The following HTR4 variants were observed in gnomAD, a reference collection of about 807,000 sequenced individuals.
The protein encoded by HTR4 is 5-hydroxytryptamine (serotonin) receptor 4, G protein-coupled.
Under a neutral mutation model 36.8 loss-of-function variants are expected in HTR4, and 16 were observed. The ratio of observed to expected loss-of-function variants is 0.43; its 90% CI spans 0.29 to 0.66. HTR4 has a LOEUF of 0.66. Among genes scored for constraint, HTR4 ranks in the 30% least tolerant of loss-of-function variants. The probability of loss-of-function intolerance (pLI) is 0.13; values close to 1 mark genes in which losing one functional copy is unlikely to be tolerated. For missense variants in HTR4, 438 were observed against 490.9 expected (o/e 0.89, Z 1.02); for synonymous variants, 189 against 185.1 (o/e 1.02, Z -0.17).
At chr5:148,617,511 C>G (rs1752747692) in intron 2 of HTR4, among the ~76,000 whole-genome samples, 1 of 151,532 alleles carries the variant, frequency 6.6e-6, no homozygotes, top group Admixed American at 6.6e-5. Flanking sequence ...CCCTGTCACA[C>G]AGGCTAGAAT....
intron 2 of HTR4, among the ~76,000 whole-genome samples, chr5:148,552,824 G>A (rs1478939699): frequency 6.6e-6 from 1 of 152,170 alleles, no homozygotes; most frequent in Admixed American, 6.5e-5. Context: ...GAAATGCTAT[G>A]TATTAATATT....
intron 5 of HTR4, among the ~76,000 whole-genome samples, chr5:148,513,351 A>C (rs879730209): frequency 6.6e-6 from 1 of 152,178 alleles, no homozygotes; most frequent in African/African-American, 2.4e-5. Context: ...TATGATGTAC[A>C]AGATATGGAT....
At chr5:148,537,431 A>G (rs1378878160) in intron 4 of HTR4, among the ~76,000 whole-genome samples, 1 of 152,210 alleles carries the variant, frequency 6.6e-6, no homozygotes, top group Non-Finnish European at 1.5e-5. Context: ...AAACATTCAA[A>G]AGATCAATGA....
chr5:148,453,653 G>A (rs1755027741), intron 5 of HTR4, among the ~76,000 whole-genome samples: 1 of 152,142 alleles, frequency 6.6e-6, no homozygotes, highest in African/African-American at 2.4e-5. Context: ...GGAATGAAAG[G>A]AGTTGACGTC....
chr5:148,526,941 G>T (rs560392407), intron 4 of HTR4, among the ~76,000 whole-genome samples: 1 of 152,188 alleles, frequency 6.6e-6, no homozygotes, highest in Admixed American at 6.5e-5. Flanking sequence ...TAGATAGTGG[G>T]AATAAGATCT....
intron 1 of HTR4, 63 bp from the exon 2 acceptor site, chr5:148,637,124 G>C (rs1289814832): frequency 9.0e-7 from 1 of 1,108,094 alleles, no homozygotes; most frequent in East Asian, 2.5e-5. Flanking sequence ...ACAAGTCCTT[G>C]TTTTAAAAAA....
At chr5:148,535,692 AT>A (rs1189505891) in intron 4 of HTR4, among the ~76,000 whole-genome samples, 1 of 152,224 alleles carries the variant, frequency 6.6e-6, no homozygotes, top group Non-Finnish European at 1.5e-5. Context: ...TAAAGACAAA[AT>A]AATTAAAAGG....
At chr5:148,610,591 A>C (rs1393652853) in intron 2 of HTR4, among the ~76,000 whole-genome samples, 1 of 152,182 alleles carries the variant, frequency 6.6e-6, no homozygotes, top group East Asian at 1.9e-4. Context: ...ACAGAACAGA[A>C]AAACTGGAAA....
At chr5:148,647,639 G>A (rs13361124) in intron 1 of HTR4, among the ~76,000 whole-genome samples, 8,563 of 152,182 alleles carry the variant, frequency 0.056, 792 homozygotes, top group African/African-American at 0.19. Context: ...ACCTGAGCTC[G>A]GGAGTTCGAG....
At chr5:148,581,371 C>T (rs1352318385) in intron 2 of HTR4, among the ~76,000 whole-genome samples, 2 of 151,914 alleles carry the variant, frequency 1.3e-5, no homozygotes, top group Non-Finnish European at 2.9e-5. Flanking sequence ...ATAATTTTTG[C>T]TTCTGTTGCC....
At position 148,481,593 on chromosome 5, in the gene HTR4, A is replaced by T; in HGVS notation, c.*1610T>A. The T allele has an allele frequency of 2.0e-6, 3 of 1,511,360 alleles. No individual in the cohort carries two copies. The highest frequency in any genetic ancestry group is 1.8e-6 in the Non-Finnish European group (2 of 1,140,302). The allele number at this position is 1,511,360 out of a possible 1,614,324, so 93.6% of individuals were successfully genotyped here. ...TGGTTTGGTCAATCTTCTCTTCCTT[A>T]TTCCAAAGTTTCTTCCTGTCGGTTT... On this transcript the variant is annotated 3_prime_UTR_variant, in exon 7 of 7. Transcript: ENST00000377888.
At chr5:148,601,276 G>A (rs546323430) in intron 2 of HTR4, among the ~76,000 whole-genome samples, 1 of 152,246 alleles carries the variant, frequency 6.6e-6, no homozygotes, top group East Asian at 1.9e-4. Context: ...GGAAGACAGT[G>A]TAGAGGTTCC....
intron 2 of HTR4, among the ~76,000 whole-genome samples, chr5:148,589,945 G>A (rs1761495018): frequency 1.3e-5 from 2 of 152,132 alleles, no homozygotes; most frequent in Non-Finnish European, 2.9e-5. Flanking sequence ...AACTCCAGAA[G>A]TATTTATTTA....
chr5:148,644,430 T>TTG (rs1753818880), intron 1 of HTR4, among the ~76,000 whole-genome samples: 2 of 127,210 alleles, frequency 1.6e-5, no homozygotes, highest in African/African-American at 6.5e-5. Flanking sequence ...AAGTTTTTTT[T>TTG]TTTTTTTTTT....
intron 1 of HTR4, among the ~76,000 whole-genome samples, chr5:148,651,324 T>C (rs1409631122): frequency 6.6e-6 from 1 of 152,040 alleles, no homozygotes; most frequent in Non-Finnish European, 1.5e-5. Context: ...TGTGTGAGGA[T>C]GGTAAAGTTG....
intron 5 of HTR4, 97 bp from the exon 6 acceptor site, chr5:148,510,121 GA>G: frequency 1.4e-6 from 1 of 712,820 alleles, no homozygotes; most frequent in African/African-American, 1.8e-5. Context: ...TGTGAGAAAA[GA>G]AAAAGGGAAA....
chr5:148,618,328 A>G (rs1025615694), intron 2 of HTR4, among the ~76,000 whole-genome samples: 3 of 152,244 alleles, frequency 2.0e-5, no homozygotes, highest in African/African-American at 7.2e-5. Context: ...AGTCAAAAGC[A>G]GCAACCAACT....
At chr5:148,615,310 G>A (rs1412548313) in intron 2 of HTR4, among the ~76,000 whole-genome samples, 3 of 152,000 alleles carry the variant, frequency 2.0e-5, no homozygotes, top group Non-Finnish European at 4.4e-5. Context: ...ACTGGATTAA[G>A]CAAATGTGGC....
rs951887872 is a variant in HTR4 at position 148,647,555 on chromosome 5, T to C, written c.-48+6507A>G. On this transcript the variant is annotated intron_variant, in intron 1 of 6. Transcript: ENST00000377888. ...GGAGACAAAGCTGCTTAGTGGTTAA[T>C]AAGGTGGTTAGGGCCGGGGGTGGTG... is the stretch of plus-strand genomic sequence containing the variant. 2.1e-4 allele frequency among the ~76,000 whole-genome samples: 32 copies of C among 152,222 alleles called. 1 individual carries two copies. Among genetic ancestry groups the C allele is most frequent in the Admixed American group, 4.6e-4 (7 of 15,292 alleles).
Sources: gnomAD v4.1 joint callset for allele counts (sites outside exome capture counted in the v4.1 genomes callset) on GRCh38, gnomAD v4.1.1 for gene constraint, MANE v1.5 for transcripts, NCBI Gene and HGNC (gene_info 2026-07-23, HGNC 2026-07-21) for gene names.